The following NEK10 variants were observed in gnomAD, a reference collection of about 807,000 sequenced individuals.
NEK10 encodes NIMA related kinase 10.
NEK10 carries 122 observed loss-of-function variants against 159.8 expected under a neutral mutation model. That is an observed-to-expected ratio of 0.76 (90% CI 0.66 to 0.89). The LOEUF is 0.89. NEK10 is among the 40% of genes least tolerant of loss of function. NEK10 has a pLI of 0.00. For synonymous variants in NEK10, 466 were observed against 457.1 expected (o/e 1.02, Z -0.25); for missense variants, 1,342 against 1,323.1 (o/e 1.01, Z -0.22).
intron 3 of NEK10, among the ~76,000 whole-genome samples, chr3:27,348,185 C>T (rs2047703917): frequency 6.6e-6 from 1 of 152,130 alleles, no homozygotes; most frequent in African/African-American, 2.4e-5. Context: ...TCATGATATA[C>T]CGCATAAAAG....
intron 33 of NEK10, among the ~76,000 whole-genome samples, chr3:27,118,882 G>T (rs1269936171): frequency 6.6e-6 from 1 of 152,124 alleles, no homozygotes; most frequent in Admixed American, 6.5e-5. Context: ...GAAATAATTT[G>T]TTCAGTCAGC....
intron 1 of NEK10, among the ~76,000 whole-genome samples, chr3:27,367,928 TG>T (rs1055340933): frequency 2.0e-5 from 3 of 152,240 alleles, no homozygotes; most frequent in East Asian, 3.9e-4. Context: ...AACTAAAGAT[TG>T]GATTAGGGTA....
At chr3:27,367,196 G>A (rs2049160132) in intron 1 of NEK10, among the ~76,000 whole-genome samples, 1 of 152,154 alleles carries the variant, frequency 6.6e-6, no homozygotes, top group Non-Finnish European at 1.5e-5. Context: ...ATCTTTAAAA[G>A]AATCCTATGA....
chr3:27,334,658 G>A (rs547360800), intron 5 of NEK10, among the ~76,000 whole-genome samples: 119 of 152,272 alleles, frequency 7.8e-4, no homozygotes, highest in Admixed American at 3.5e-3. Flanking sequence ...AAATCATACA[G>A]AGACTGCACA....
chr3:27,345,799 C>T (rs2047511356), intron 4 of NEK10, among the ~76,000 whole-genome samples: 1 of 152,180 alleles, frequency 6.6e-6, no homozygotes, highest in Non-Finnish European at 1.5e-5. Flanking sequence ...TGGGACAAGC[C>T]TAACCAGGTC....
At chr3:27,141,065 T>C (rs182797197) in intron 31 of NEK10, among the ~76,000 whole-genome samples, 1 of 152,260 alleles carries the variant, frequency 6.6e-6, no homozygotes, top group Non-Finnish European at 1.5e-5. Context: ...CTGGATTTTG[T>C]GTGGTTTTGG....
At chr3:27,365,273 G>C (rs1425480605) in intron 1 of NEK10, among the ~76,000 whole-genome samples, 1 of 152,222 alleles carries the variant, frequency 6.6e-6, no homozygotes, top group East Asian at 1.9e-4. Context: ...CCTGCTTGTA[G>C]TTTTTACTTT....
chr3:27,192,182 T>C lies in NEK10; in HGVS notation c.2352A>G (p.Ser784=), dbSNP rs1487049395. 3 of 1,614,050 alleles carry C rather than the reference T, an allele frequency of 1.9e-6. No homozygotes were observed. Among genetic ancestry groups the C allele is most frequent in the Admixed American group, 3.3e-5 (2 of 60,006 alleles). ...PDIVEVSSMI[S]DVMMKYLDNL... ...TGTCTAAATATTTCATCATGACATC[T>C]GATATCATCGAACTGACTTCTACAA... Residue 784 remains serine (S), a synonymous_variant, in exon 26 of 36, where the codon TCA becomes TCG. Coordinates refer to ENST00000691995, the MANE Select transcript of NEK10 (RefSeq NM_001394966.1).
At chr3:27,225,898 G>T (rs1453082553) in intron 23 of NEK10, among the ~76,000 whole-genome samples, 10 of 152,162 alleles carry the variant, frequency 6.6e-5, no homozygotes. Flanking sequence ...TTAAGGAAAA[G>T]ATATTCATAA....
intron 11 of NEK10, among the ~76,000 whole-genome samples, chr3:27,305,603 G>A (rs1183183015): frequency 3.2e-5 from 4 of 126,276 alleles, no homozygotes; most frequent in Admixed American, 8.0e-5. Flanking sequence ...CATCTGCATT[G>A]TGCTAAAGAC....
intron 29 of NEK10, among the ~76,000 whole-genome samples, chr3:27,168,228 A>G (rs985119709): frequency 1.3e-5 from 2 of 151,554 alleles, no homozygotes; most frequent in African/African-American, 4.8e-5. Flanking sequence ...TGAAATTGTT[A>G]TACCATTTTA....
chr3:27,319,847 G>A (rs1281403515), intron 6 of NEK10, among the ~76,000 whole-genome samples: 1 of 152,184 alleles, frequency 6.6e-6, no homozygotes, highest in African/African-American at 2.4e-5. Context: ...ATAATTTGAT[G>A]AGAATAATGG....
Position 27,304,849 on chromosome 3 carries a change from C to T in NEK10, c.926G>A (p.Trp309Ter). The change falls in exon 12 of 36, where the codon TGG becomes TAG. Residue 309 changes from tryptophan to a stop codon, truncating the protein, a stop_gained. Coordinates refer to ENST00000691995, the MANE Select transcript of NEK10 (RefSeq NM_001394966.1). LOFTEE classifies it high-confidence loss of function. ...CTGTACCAGAATCCAGACAATGCTC[C>T]AGAGGAGCTTCAAGTGGTCAGAGTG... ...LLHSDHLKLLWSIVWILVQVC... is the reference protein window; with the variant it reads ...LLHSDHLKLL The T allele has an allele frequency of 6.2e-7, 1 of 1,613,832 alleles. No individual in the cohort carries two copies. Among genetic ancestry groups the T allele is most frequent in the Non-Finnish European group, 8.5e-7 (1 of 1,179,778 alleles).
intron 26 of NEK10, among the ~76,000 whole-genome samples, chr3:27,179,326 GTTAT>G (rs978829572): frequency 1.3e-5 from 2 of 152,164 alleles, no homozygotes; most frequent in African/African-American, 4.8e-5. Flanking sequence ...TCATGACATA[GTTAT>G]TATCTCATTA....
chr3:27,191,394 A>G (rs1356983573), intron 26 of NEK10, among the ~76,000 whole-genome samples: 1 of 152,260 alleles, frequency 6.6e-6, no homozygotes, highest in East Asian at 1.9e-4. Context: ...TGATTGCAAC[A>G]AAGACACAGA....
intron 23 of NEK10, among the ~76,000 whole-genome samples, chr3:27,233,999 A>G (rs1953617057): frequency 6.6e-6 from 1 of 152,134 alleles, no homozygotes; most frequent in Non-Finnish European, 1.5e-5. Flanking sequence ...CATTACATAA[A>G]GAGAACTAAA....
At chr3:27,134,777 C>A (rs936344512) in intron 31 of NEK10, among the ~76,000 whole-genome samples, 32 of 151,988 alleles carry the variant, frequency 2.1e-4, no homozygotes, top group African/African-American at 7.5e-4. Context: ...TTTTTTCATA[C>A]AAGAATTTAA....
Position 27,235,825 on chromosome 3 carries a change from T to C in NEK10, c.2090+20471A>G, listed in dbSNP as rs369524658. ...AAACATGCATGCACTATTCACTTGT[T>C]CATGCACATGTTCATTGCTGCACTA... On this transcript the variant is annotated intron_variant, in intron 23 of 35. Coordinates refer to ENST00000691995, the MANE Select transcript of NEK10 (RefSeq NM_001394966.1). Among the ~76,000 whole-genome samples, 5 of 152,148 alleles carry C rather than the reference T, an allele frequency of 3.3e-5. No homozygotes were observed. The East Asian group carries it at 7.7e-4, about 24-fold the overall frequency.
At chr3:27,321,057 T>C (rs894089636) in intron 6 of NEK10, among the ~76,000 whole-genome samples, 1 of 152,036 alleles carries the variant, frequency 6.6e-6, no homozygotes, top group Non-Finnish European at 1.5e-5. Context: ...AAAGGAAACA[T>C]ATTCTGACTC....
Sources: gnomAD v4.1 joint callset for allele counts (sites outside exome capture counted in the v4.1 genomes callset) on GRCh38, gnomAD v4.1.1 for gene constraint, MANE v1.5 for transcripts, NCBI Gene and HGNC (gene_info 2026-07-23, HGNC 2026-07-21) for gene names.